Variants in SLC28A3 observed in about 807,000 individuals in gnomAD.
The protein encoded by SLC28A3 is concentrative Na(+)-nucleoside cotransporter 3.
In SLC28A3, 68 loss-of-function variants were observed where a neutral mutation model predicts 84.2. The ratio of observed to expected loss-of-function variants is 0.81; its 90% CI spans 0.66 to 0.99. The LOEUF (loss-of-function observed/expected upper bound fraction) is 0.99. Among genes scored for constraint, SLC28A3 ranks in the 50% least tolerant of loss-of-function variants. The probability of loss-of-function intolerance (pLI) is 0.00; values close to 1 mark genes in which losing one functional copy is unlikely to be tolerated. For missense variants in SLC28A3, 712 were observed against 841.5 expected, an observed-to-expected ratio of 0.85 and a Z score of 1.90; for synonymous variants, 267 against 303.6, an observed-to-expected ratio of 0.88 and a Z score of 1.25.
the SLC28A3 span, among the ~76,000 whole-genome samples, chr9:84,367,371 G>T: frequency 6.6e-6 from 1 of 152,210 alleles, no homozygotes; most frequent in South Asian, 2.1e-4. Context: ...AGCCTGCCTG[G>T]TGCTTTGCCC....
chr9:84,361,168 A>C, the SLC28A3 span, among the ~76,000 whole-genome samples: 1 of 152,208 alleles, frequency 6.6e-6, no homozygotes, highest in East Asian at 1.9e-4. Context: ...ACATGGTGAA[A>C]CCCCGTCTCT....
rs1825546164 is a variant in SLC28A3, at chr9:84,299,596, G to A, written c.654C>T (p.Ser218=). The change falls in exon 6 of 18, where the codon TCC becomes TCT. Residue 218 remains serine, a synonymous_variant. Transcript: ENST00000376238. ...IMYIVLLFLF[S]KYPTRVYWRP... ...GGATACTTACTCTGGTTGGGTACTT[G>A]GAAAATAGAAATAACAGGACAATGT... The A allele has an allele frequency of 6.2e-7, 1 of 1,613,714 alleles. No individual in the cohort carries two copies. Among genetic ancestry groups the A allele is most frequent in the African/African-American group, 1.3e-5 (1 of 74,886 alleles).
At chr9:84,282,568 G>A (rs1454523291) in intron 14 of SLC28A3, among the ~76,000 whole-genome samples, 1 of 152,212 alleles carries the variant, frequency 6.6e-6, no homozygotes, top group African/African-American at 2.4e-5. Context: ...CTTTCACGGG[G>A]CAGTCAGAGG....
chr9:84,362,857 TA>T, the SLC28A3 span, among the ~76,000 whole-genome samples: 1 of 151,976 alleles, frequency 6.6e-6, no homozygotes, highest in Admixed American at 6.6e-5. Flanking sequence ...AAGTAGGTAT[TA>T]AAAAATTGTG....
chr9:84,276,731 C>T lies in SLC28A3; in HGVS notation c.*1487G>A, dbSNP rs919131479. On this transcript the variant is annotated 3_prime_UTR_variant, in exon 18 of 18. Coordinates refer to ENST00000376238, the MANE Select transcript of SLC28A3 (RefSeq NM_001199633.2). ...AAACAGTCCTCTGGACATTAGGCCT[C>T]CTCCTTCACCACCACAAAAAACAAA... 3 of 152,188 alleles carry T rather than the reference C, an allele frequency of 2.0e-5. No homozygotes were observed. The highest frequency in any genetic ancestry group is 4.8e-5 in the African/African-American group (2 of 41,432). The allele number at this position is 152,188 out of a possible 1,614,324, so 9.4% of individuals were successfully genotyped here.
intron 1 of SLC28A3, among the ~76,000 whole-genome samples, chr9:84,326,301 A>C (rs969598009): frequency 6.6e-6 from 1 of 152,170 alleles, no homozygotes; most frequent in African/African-American, 2.4e-5. Flanking sequence ...ATCGTTTTAA[A>C]GTAATTAACT....
At chr9:84,281,095 C>G (rs1467279916) in intron 14 of SLC28A3, among the ~76,000 whole-genome samples, 1 of 152,148 alleles carries the variant, frequency 6.6e-6, no homozygotes, top group Admixed American at 6.5e-5. Context: ...CTCAGTGACT[C>G]TCTACAAAGG....
chr9:84,289,278 G>A (rs1825118125), intron 11 of SLC28A3, among the ~76,000 whole-genome samples: 4 of 152,152 alleles, frequency 2.6e-5, no homozygotes, highest in Admixed American at 2.6e-4. Context: ...CCGAGGCCTG[G>A]ATGAAGACCT....
intron 3 of SLC28A3, among the ~76,000 whole-genome samples, chr9:84,306,174 G>A (rs1471571312): frequency 1.3e-5 from 2 of 152,048 alleles, no homozygotes; most frequent in South Asian, 2.1e-4. Context: ...TTGAGTCTGG[G>A]TGGAAGGAAC....
At chr9:84,299,208 T>C (rs1480851624) in intron 6 of SLC28A3, among the ~76,000 whole-genome samples, 1 of 152,200 alleles carries the variant, frequency 6.6e-6, no homozygotes, top group Non-Finnish European at 1.5e-5. Context: ...CCAAACTGCA[T>C]GGGACTTCGA....
intron 13 of SLC28A3, 67 bp downstream of exon 13, chr9:84,285,876 C>G (rs1001905500): frequency 2.6e-5 from 40 of 1,521,004 alleles, no homozygotes; most frequent in Non-Finnish European, 3.3e-5. Flanking sequence ...TGTTTACAAA[C>G]CTATTTTATT....
At chr9:84,285,674 T>C (rs1456045268) in intron 13 of SLC28A3, 132 bp from the exon 14 acceptor site, 6 of 1,034,158 alleles carry the variant, frequency 5.8e-6, no homozygotes, top group Non-Finnish European at 8.5e-6. Context: ...TTGCCCATCT[T>C]TACCCATCAG....
At chr9:84,340,503 T>C in intron 1 of SLC28A3, 71 bp downstream of exon 1, 2 of 1,533,826 alleles carry the variant, frequency 1.3e-6, no homozygotes. Flanking sequence ...GGTAAGAAAC[T>C]TGCCAAGGGG....
chr9:84,366,900 A>G, the SLC28A3 span, among the ~76,000 whole-genome samples: 1 of 152,132 alleles, frequency 6.6e-6, no homozygotes, highest in Non-Finnish European at 1.5e-5. Context: ...GCTACTGCCT[A>G]TGTTCTGTCA....
chr9:84,327,335 T>C, intron 1 of SLC28A3, among the ~76,000 whole-genome samples: 1 of 143,630 alleles, frequency 7.0e-6, no homozygotes, highest in South Asian at 2.3e-4. Flanking sequence ...CTGACAAAAC[T>C]GTCAAAACTA....
At chr9:84,313,004 G>A (rs1343693921) in intron 2 of SLC28A3, among the ~76,000 whole-genome samples, 1 of 152,178 alleles carries the variant, frequency 6.6e-6, no homozygotes, top group Non-Finnish European at 1.5e-5. Context: ...AGTGCATGAT[G>A]GACCCAGATT....
At chr9:84,329,277 AT>A (rs1309078380) in intron 1 of SLC28A3, among the ~76,000 whole-genome samples, 1 of 152,230 alleles carries the variant, frequency 6.6e-6, no homozygotes, top group Admixed American at 6.5e-5. Context: ...ATAGCTGGAT[AT>A]TTCATTACCC....
At position 84,286,118 on chromosome 9, in the gene SLC28A3, C is replaced by G. The variant is rs2118105859; in HGVS notation, c.1281-7G>C. On this transcript the variant is annotated splice_region_variant and splice_polypyrimidine_tract_variant and intron_variant, in intron 12 of 17. Transcript: ENST00000376238. ...TAGAAGATTCCCTGAATCACTTTAT[C>G]AAGAAATAGCAATTCCAGAATTACC... 1.9e-6 allele frequency: 3 copies of G among 1,612,190 alleles called. No individual in the cohort carries two copies. The highest frequency in any genetic ancestry group is 1.1e-5 in the South Asian group (1 of 90,782).
upstream of SLC28A3, among the ~76,000 whole-genome samples, chr9:84,342,929 C>T (rs1220574710): frequency 2.0e-5 from 3 of 152,000 alleles, no homozygotes; most frequent in Admixed American, 6.5e-5. Context: ...TTTGGGAGGC[C>T]GAGGCAGATG....
Sources: allele counts gnomAD v4.1 joint callset (sites outside exome capture counted in the v4.1 genomes callset), GRCh38; gene constraint gnomAD v4.1.1; transcripts MANE v1.5; gene names NCBI Gene and HGNC (gene_info 2026-07-23, HGNC 2026-07-21).